Variants in ROBO2 observed in about 807,000 individuals in gnomAD.
ROBO2 encodes roundabout homolog 2.
In ROBO2, 53 loss-of-function variants were observed where a neutral mutation model predicts 160.8. That is an observed-to-expected ratio of 0.33 (90% CI 0.26 to 0.41). The LOEUF is 0.41. ROBO2 is among the 10% of genes least tolerant of loss of function. ROBO2 has a pLI of 1.00. For synonymous variants in ROBO2, 664 were observed against 611.7 expected (o/e 1.09, Z -1.26); for missense variants, 1,577 against 1,722.4 (o/e 0.92, Z 1.49).
chr3:77,313,657 T>A (rs1423231811), intron 2 of ROBO2, among the ~76,000 whole-genome samples: 2 of 152,172 alleles, frequency 1.3e-5, no homozygotes, highest in African/African-American at 4.8e-5. Context: ...TGATCTCGGC[T>A]CACTGCAACC....
chr3:76,141,156 TC>T (rs2071643014), intron 2 of ROBO2, among the ~76,000 whole-genome samples: 1 of 65,822 alleles, frequency 1.5e-5, no homozygotes, highest in African/African-American at 6.3e-5. Context: ...TCTCTCTCTC[TC>T]TCTATATATA....
rs188075112 is a variant in ROBO2 at position 76,872,532 on chromosome 3, T to C, written c.110-225482T>C. ...TCAAGAAATATATTATTTAAATTCT[T>C]ATATTTTCAAATATCTTATTACATT... On this transcript the variant is annotated intron_variant, in intron 2 of 26. Transcript: ENST00000487694. Among the ~76,000 whole-genome samples the C allele has an allele frequency of 2.4e-3, 361 of 152,098 alleles. 1 individual carries two copies. The highest frequency in any genetic ancestry group is 8.1e-3 in the African/African-American group (337 of 41,560).
chr3:76,325,784 C>A (rs573139388), intron 2 of ROBO2, among the ~76,000 whole-genome samples: 2 of 151,352 alleles, frequency 1.3e-5, no homozygotes, highest in African/African-American at 4.8e-5. Context: ...GCTAATTTGA[C>A]AGTAAAAACA....
intron 2 of ROBO2, among the ~76,000 whole-genome samples, chr3:76,905,407 T>C (rs190011541): frequency 2.1e-4 from 32 of 152,328 alleles, no homozygotes; most frequent in Non-Finnish European, 4.6e-4. Flanking sequence ...AGGCTTATGA[T>C]CTGACACTTG....
chr3:76,072,247 A>AT (rs60271642), intron 2 of ROBO2, among the ~76,000 whole-genome samples: 16 of 151,408 alleles, frequency 1.1e-4, no homozygotes, highest in Admixed American at 9.2e-4. Context: ...GCAAAAAAAA[A>AT]TCTTTGTTGG....
At chr3:76,636,835 G>T (rs1006338851) in intron 2 of ROBO2, among the ~76,000 whole-genome samples, 2 of 131,634 alleles carry the variant, frequency 1.5e-5, no homozygotes, top group Admixed American at 1.6e-4. Flanking sequence ...GTTGCTTCTA[G>T]GCAGGGTGAC....
At chr3:77,082,827 A>G (rs1339009550) in intron 1 of ROBO2, among the ~76,000 whole-genome samples, 2 of 150,986 alleles carry the variant, frequency 1.3e-5, no homozygotes, top group African/African-American at 2.4e-5. Context: ...TTTTTTGGCT[A>G]ATCTCACAAG....
intron 2 of ROBO2, among the ~76,000 whole-genome samples, chr3:76,487,368 G>A (rs1470241012): frequency 6.6e-6 from 1 of 151,794 alleles, no homozygotes; most frequent in Non-Finnish European, 1.5e-5. Context: ...TTAAAAGGGG[G>A]ATAAAAACGT....
intron 2 of ROBO2, among the ~76,000 whole-genome samples, chr3:76,965,805 A>ATATAT (rs1215982721): frequency 2.7e-5 from 4 of 146,354 alleles, no homozygotes; most frequent in African/African-American, 1.0e-4. Context: ...ATATATATAT[A>ATATAT]TATATTTCTT....
At chr3:77,128,167 T>C (rs182076872) in intron 2 of ROBO2, among the ~76,000 whole-genome samples, 4 of 152,336 alleles carry the variant, frequency 2.6e-5, no homozygotes, top group Non-Finnish European at 5.9e-5. Flanking sequence ...GCCAGGTGCA[T>C]ATCCAGGTGT....
chr3:76,565,048 C>G (rs1379257231), intron 2 of ROBO2, among the ~76,000 whole-genome samples: 10 of 152,110 alleles, frequency 6.6e-5, no homozygotes, highest in Admixed American at 4.6e-4. Context: ...CCCAGGCAAG[C>G]TAAGACACCT....
intron 5 of ROBO2, among the ~76,000 whole-genome samples, chr3:77,505,984 C>T (rs1022048324): frequency 1.3e-5 from 2 of 152,076 alleles, no homozygotes; most frequent in African/African-American, 4.8e-5. Flanking sequence ...TTAATGCTTC[C>T]AGCAGCCTTA....
At chr3:77,262,238 G>A (rs2058823642) in intron 2 of ROBO2, among the ~76,000 whole-genome samples, 1 of 152,138 alleles carries the variant, frequency 6.6e-6, no homozygotes, top group African/African-American at 2.4e-5. Flanking sequence ...TATGTGGTGG[G>A]TAATGTCCAG....
At chr3:76,778,902 G>A (rs1168301194) in intron 2 of ROBO2, among the ~76,000 whole-genome samples, 4 of 150,950 alleles carry the variant, frequency 2.6e-5, no homozygotes, top group African/African-American at 4.9e-5. Flanking sequence ...TTACTTCTAC[G>A]AAAGCCTATC....
At chr3:76,948,908 A>ATATATATATATATATATATATAT (rs1209284372) in intron 2 of ROBO2, among the ~76,000 whole-genome samples, 1 of 24,970 alleles carries the variant, frequency 4.0e-5, no homozygotes, top group African/African-American at 1.8e-4. Flanking sequence ...ATATATATAT[A>ATATATATATATATATATATATAT]TTTTTTTTTT....
intron 2 of ROBO2, among the ~76,000 whole-genome samples, chr3:77,420,844 A>G (rs1299960345): frequency 6.6e-6 from 1 of 152,150 alleles, no homozygotes; most frequent in Non-Finnish European, 1.5e-5. Flanking sequence ...CAAATGCTAT[A>G]TCATTGCACT....
At chr3:76,310,769 C>T (rs1241216754) in intron 2 of ROBO2, among the ~76,000 whole-genome samples, 2 of 152,140 alleles carry the variant, frequency 1.3e-5, no homozygotes, top group Non-Finnish European at 1.5e-5. Context: ...TTATCCGTGG[C>T]GGTTCCTGGG....
At chr3:77,022,463 A>G (rs1205678392) in intron 2 of ROBO2, among the ~76,000 whole-genome samples, 7 of 152,200 alleles carry the variant, frequency 4.6e-5, no homozygotes, top group African/African-American at 7.2e-5. Context: ...CAGAAAATAT[A>G]TTAAGACACT....
At chr3:76,302,220 A>C (rs1709397499) in intron 2 of ROBO2, among the ~76,000 whole-genome samples, 1 of 152,110 alleles carries the variant, frequency 6.6e-6, no homozygotes, top group South Asian at 2.1e-4. Context: ...GAAGATGGTT[A>C]AAGACATTGC....
Sources: gnomAD v4.1 joint callset for allele counts (sites outside exome capture counted in the v4.1 genomes callset) on GRCh38, gnomAD v4.1.1 for gene constraint, MANE v1.5 for transcripts, NCBI Gene and HGNC (gene_info 2026-07-23, HGNC 2026-07-21) for gene names.